BCAS1: variants seen among roughly 807,000 people sequenced by gnomAD.
BCAS1 encodes brain enriched myelin associated protein 1.
BCAS1 carries 46 observed loss-of-function variants against 65.4 expected under a neutral mutation model. The observed-to-expected ratio is 0.70, with a 90% CI of 0.55 to 0.90. The LOEUF is 0.90. Among genes scored for constraint, BCAS1 ranks in the 40% least tolerant of loss-of-function variants. The pLI, the probability that BCAS1 is intolerant of heterozygous loss-of-function variation, is 0.00. For missense variants in BCAS1, 793 were observed against 771.2 expected (o/e 1.03, Z -0.33); for synonymous variants, 298 against 293.5 (o/e 1.02, Z -0.16).
chr20:53,997,724 T>C (rs2276492), intron 4 of BCAS1, among the ~76,000 whole-genome samples: 2,322 of 152,238 alleles, frequency 0.015, 58 homozygotes, highest in East Asian at 0.11. Context: ...TCTGAGAAGC[T>C]GTTTGGTGCA....
chr20:53,986,248 C>T (rs532878857), intron 7 of BCAS1, among the ~76,000 whole-genome samples: 10 of 152,192 alleles, frequency 6.6e-5, no homozygotes, highest in Non-Finnish European at 1.2e-4. Context: ...TCCCTCTGTC[C>T]GTATCTCCTT....
chr20:53,962,849 C>A (rs932830325), intron 10 of BCAS1, among the ~76,000 whole-genome samples: 1 of 152,014 alleles, frequency 6.6e-6, no homozygotes, highest in Non-Finnish European at 1.5e-5. Context: ...GATACTTTTC[C>A]TATTTTTATT....
At chr20:53,948,486 AT>A (rs1429195028) in intron 12 of BCAS1, among the ~76,000 whole-genome samples, 1 of 152,224 alleles carries the variant, frequency 6.6e-6, no homozygotes. Context: ...CCAAGGTAAC[AT>A]GTGGCTGGTG....
intron 4 of BCAS1, among the ~76,000 whole-genome samples, chr20:54,003,224 G>GAAAAA (rs2091100873): frequency 8.4e-5 from 1 of 11,898 alleles, no homozygotes; most frequent in Non-Finnish European, 1.8e-4. Context: ...TAGCCAAACA[G>GAAAAA]ACAAAAAAAA....
chr20:53,957,337 T>G, intron 11 of BCAS1, 95 bp downstream of exon 11: 1 of 1,147,232 alleles, frequency 8.7e-7, no homozygotes, highest in Non-Finnish European at 1.3e-6. Flanking sequence ...ATTAAATGAG[T>G]TGGCTGTGGC....
At chr20:54,067,497 A>G (rs2092458797) in intron 1 of BCAS1, among the ~76,000 whole-genome samples, 1 of 152,192 alleles carries the variant, frequency 6.6e-6, no homozygotes, top group Non-Finnish European at 1.5e-5. Context: ...AGTTATTGCT[A>G]ATATTATTCA....
intron 3 of BCAS1, among the ~76,000 whole-genome samples, chr20:54,044,356 C>A (rs532514034): frequency 1.3e-5 from 2 of 152,244 alleles, no homozygotes; most frequent in East Asian, 3.9e-4. Context: ...GCCTTGTTTT[C>A]TTCTCCATCC....
intron 3 of BCAS1, among the ~76,000 whole-genome samples, chr20:54,036,755 A>G (rs559375104): frequency 1.3e-5 from 2 of 151,586 alleles, no homozygotes; most frequent in Non-Finnish European, 3.0e-5. Flanking sequence ...TATTAATATA[A>G]TTACCATTTT....
chr20:54,057,749 G>A (rs81484), intron 3 of BCAS1, among the ~76,000 whole-genome samples: 31,008 of 151,684 alleles, frequency 0.2, 3,660 homozygotes, highest in African/African-American at 0.33. Flanking sequence ...ATTTAGACAT[G>A]CATAGAGGGA....
intron 3 of BCAS1, among the ~76,000 whole-genome samples, chr20:54,057,624 C>G (rs2092315133): frequency 6.6e-6 from 1 of 152,152 alleles, no homozygotes; most frequent in Admixed American, 6.5e-5. Context: ...AAGTCCTAAC[C>G]CCCTGTGAAT....
intron 12 of BCAS1, among the ~76,000 whole-genome samples, chr20:53,949,941 A>T (rs963035138): frequency 6.6e-6 from 1 of 152,198 alleles, no homozygotes; most frequent in Non-Finnish European, 1.5e-5. Flanking sequence ...TCACTTCTTC[A>T]GGAATCACCA....
rs537833642 is a variant in BCAS1, at chr20:53,993,787, T to C, written c.928-1141A>G. ...GCAAATGAATAACTTTATAGGAAAATGCATGTAGATGCTTCAGATACATAT... is the reference window on the plus strand; with the variant it reads ...GCAAATGAATAACTTTATAGGAAAACGCATGTAGATGCTTCAGATACATAT... On this transcript the variant is annotated intron_variant, in intron 6 of 12. Transcript: ENST00000688948. Among the ~76,000 whole-genome samples, 16 of 152,310 alleles carry C rather than the reference T, an allele frequency of 1.1e-4. No individual in the cohort carries two copies. The East Asian group carries it at 3.1e-3, about 29-fold the overall frequency.
At chr20:54,057,843 G>T (rs931350186) in intron 3 of BCAS1, among the ~76,000 whole-genome samples, 1 of 152,158 alleles carries the variant, frequency 6.6e-6, no homozygotes, top group African/African-American at 2.4e-5. Context: ...CTGATGACCC[G>T]CAGAAGGAAC....
At chr20:54,050,352 T>C (rs377544326) in intron 3 of BCAS1, among the ~76,000 whole-genome samples, 1 of 152,158 alleles carries the variant, frequency 6.6e-6, no homozygotes. Flanking sequence ...GATGTGAGCA[T>C]TTGATGGGAG....
intron 3 of BCAS1, among the ~76,000 whole-genome samples, chr20:54,040,266 G>T (rs568081312): frequency 4.6e-5 from 7 of 151,198 alleles, no homozygotes; most frequent in Non-Finnish European, 1.0e-4. Context: ...TCTTAAAAAG[G>T]CTCTACAGAT....
chr20:53,978,144 G>T lies in BCAS1; in HGVS notation c.1276-2714C>A, dbSNP rs746122931. 4.5e-3 allele frequency among the ~76,000 whole-genome samples: 669 copies of T among 148,312 alleles called. 5 individuals carry two copies. Among genetic ancestry groups the T allele is most frequent in the Non-Finnish European group, 8.4e-3 (564 of 67,506 alleles). On this transcript the variant is annotated intron_variant, in intron 8 of 12. Coordinates refer to ENST00000688948, the MANE Select transcript of BCAS1 (RefSeq NM_001366298.2). ...TATGAGTGAGAATATGCAGTGTTTG[G>T]TTTTTTGTGGAATACTATGCAGCCA...
chr20:54,058,714 C>G lies in BCAS1; in HGVS notation c.5G>C (p.Gly2Ala). 1 of 1,594,808 alleles carries G rather than the reference C, an allele frequency of 6.3e-7. No homozygotes were observed. The highest frequency in any genetic ancestry group is 8.5e-7 in the Non-Finnish European group (1 of 1,170,210). Residue 2 changes from glycine to alanine, a missense_variant, in exon 2 of 13, where the codon GGT becomes GCT. Coordinates refer to ENST00000688948, the MANE Select transcript of BCAS1 (RefSeq NM_001366298.2). Reference sequence around the variant, plus strand: ...TCTTTGGGGAACACTCATTTGGTTACCCATTGCTCCTATAATGGAGAGAAA... The same window carrying G: ...TCTTTGGGGAACACTCATTTGGTTAGCCATTGCTCCTATAATGGAGAGAAA... MGNQMSVPQRVE... is the reference protein window; with the variant it reads MANQMSVPQRVE...
chr20:54,058,216 G>A, intron 2 of BCAS1, 62 bp from the exon 3 acceptor site: 1 of 1,438,676 alleles, frequency 7.0e-7, no homozygotes. Context: ...AGAACTCAAG[G>A]AAGAACCTCT....
At chr20:53,963,987 T>G (rs2145604713) in intron 10 of BCAS1, among the ~76,000 whole-genome samples, 1 of 152,340 alleles carries the variant, frequency 6.6e-6, no homozygotes. Flanking sequence ...TAAAACTAAA[T>G]GTCTGTTTTA....
Sources: gnomAD v4.1 joint callset for allele counts (sites outside exome capture counted in the v4.1 genomes callset) on GRCh38, gnomAD v4.1.1 for gene constraint, MANE v1.5 for transcripts, NCBI Gene and HGNC (gene_info 2026-07-23, HGNC 2026-07-21) for gene names.